PTPRD: variants seen among roughly 807,000 people sequenced by gnomAD.
PTPRD encodes the protein receptor-type tyrosine-protein phosphatase delta.
In PTPRD, 34 loss-of-function variants were observed where a neutral mutation model predicts 214.5. The ratio of observed to expected loss-of-function variants is 0.16; its 90% CI spans 0.12 to 0.21. The LOEUF (loss-of-function observed/expected upper bound fraction) is 0.21. Ranked by LOEUF, PTPRD falls within the 10% of genes least tolerant of loss-of-function variation. The pLI is 1.00. For synonymous variants in PTPRD, 1,128 were observed against 845.7 expected, an observed-to-expected ratio of 1.33 and a Z score of -5.79; for missense variants, 2,545 against 2,398.7, an observed-to-expected ratio of 1.06 and a Z score of -1.27.
chr9:8,834,084 T>A (rs1601357151), intron 11 of PTPRD, among the ~76,000 whole-genome samples: 1 of 152,058 alleles, frequency 6.6e-6, no homozygotes, highest in South Asian at 2.1e-4. Flanking sequence ...CCAGAAGGAA[T>A]CCTGGTAGAA....
chr9:8,776,388 G>C (rs893211267), intron 11 of PTPRD, among the ~76,000 whole-genome samples: 3 of 152,110 alleles, frequency 2.0e-5, no homozygotes, highest in Admixed American at 2.0e-4. Context: ...CTGCAGTATT[G>C]ATCTTCCAGG....
intron 9 of PTPRD, among the ~76,000 whole-genome samples, chr9:9,275,127 A>G (rs10977631): frequency 7.2e-5 from 4 of 55,220 alleles, no homozygotes; most frequent in Admixed American, 3.3e-4. Context: ...TATTATATAT[A>G]TTATATATAA....
At chr9:10,567,308 A>T (rs913459167) in intron 2 of PTPRD, among the ~76,000 whole-genome samples, 9 of 152,168 alleles carry the variant, frequency 5.9e-5, no homozygotes, top group Non-Finnish European at 1.2e-4. Flanking sequence ...TCAAGGAAAA[A>T]ATCTATCACA....
intron 5 of PTPRD, among the ~76,000 whole-genome samples, chr9:9,846,871 G>C (rs925562947): frequency 1.3e-5 from 2 of 152,036 alleles, no homozygotes; most frequent in African/African-American, 4.8e-5. Context: ...AAGCCCACAG[G>C]AGAATTAAAG....
intron 11 of PTPRD, among the ~76,000 whole-genome samples, chr9:8,786,068 T>A (rs2095947317): frequency 6.6e-6 from 1 of 151,796 alleles, no homozygotes; most frequent in Admixed American, 6.6e-5. Flanking sequence ...TGTGTGTGTG[T>A]GTACCTCATA....
At chr9:9,082,792 C>T (rs867595328) in intron 10 of PTPRD, among the ~76,000 whole-genome samples, 1 of 151,998 alleles carries the variant, frequency 6.6e-6, no homozygotes, top group East Asian at 1.9e-4. Flanking sequence ...GAGTGAACTC[C>T]CATTCATAAT....
chr9:9,513,156 G>C (rs1018071004), intron 8 of PTPRD, among the ~76,000 whole-genome samples: 2 of 151,840 alleles, frequency 1.3e-5, no homozygotes, highest in African/African-American at 2.4e-5. Context: ...AACAGTATCA[G>C]TAAATGGCCA....
intron 6 of PTPRD, among the ~76,000 whole-genome samples, chr9:9,754,427 C>A (rs189171891): frequency 6.6e-6 from 1 of 152,108 alleles, no homozygotes; most frequent in Admixed American, 6.6e-5. Context: ...GTCACTGACT[C>A]GGTGACCCTC....
chr9:9,689,931 G>A (rs1303384346), intron 7 of PTPRD, among the ~76,000 whole-genome samples: 1 of 151,848 alleles, frequency 6.6e-6, no homozygotes, highest in Non-Finnish European at 1.5e-5. Flanking sequence ...ACTGTGAATA[G>A]TGCTGCAATA....
intron 2 of PTPRD, among the ~76,000 whole-genome samples, chr9:10,381,400 CT>C (rs2097822457): frequency 6.6e-6 from 1 of 151,980 alleles, no homozygotes; most frequent in Non-Finnish European, 1.5e-5. Flanking sequence ...TTGCAGAAGC[CT>C]TCAGCGGAGC....
intron 32 of PTPRD, 21 bp from the exon 33 acceptor site, chr9:8,460,592 T>C (rs939993074): frequency 6.3e-7 from 1 of 1,599,662 alleles, no homozygotes. Context: ...GCAGAGTCTA[T>C]TTCAGTTATA....
At chr9:9,090,871 T>C in intron 10 of PTPRD, 1 of 941,796 alleles carries the variant, frequency 1.1e-6, no homozygotes, top group Non-Finnish European at 1.7e-6. Flanking sequence ...TTTCTTTAAA[T>C]AGCTGTCTCC....
intron 11 of PTPRD, among the ~76,000 whole-genome samples, chr9:8,822,684 G>C (rs749921770): frequency 6.6e-6 from 1 of 152,034 alleles, no homozygotes; most frequent in Non-Finnish European, 1.5e-5. Flanking sequence ...CCTTCGGTTG[G>C]GGCTATTATT....
Position 8,460,523 on chromosome 9 carries a change from G to C in PTPRD, c.3763C>G (p.Leu1255Val), listed in dbSNP as rs2134154885. 3 of 1,613,518 alleles carry C rather than the reference G, an allele frequency of 1.9e-6. No individual in the cohort carries two copies. Among genetic ancestry groups the C allele is most frequent in the Non-Finnish European group, 2.5e-6 (3 of 1,179,624 alleles). Residue 1255 changes from leucine to valine, a missense_variant, in exon 33 of 46, where the codon CTG (leucine) becomes GTG (valine). By Grantham distance (32) the Leu-to-Val change is conservative. Transcript: ENST00000381196. ...TCATCCGTGATTGGCTGCGGATCCAGATCCATTGACACCACGGGGTCGGAG... is the reference window on the plus strand; with the variant it reads ...TCATCCGTGATTGGCTGCGGATCCACATCCATTGACACCACGGGGTCGGAG... The part of the protein sequence containing the change: ...PYSDPVVSMD[L>V]DPQPITDEEE...
intron 7 of PTPRD, among the ~76,000 whole-genome samples, chr9:9,696,313 G>A (rs1258132336): frequency 2.0e-5 from 3 of 152,090 alleles, no homozygotes; most frequent in African/African-American, 7.2e-5. Flanking sequence ...TATTAGTTAG[G>A]CCCATTTGGT....
At chr9:9,494,461 C>T (rs955136956) in intron 8 of PTPRD, among the ~76,000 whole-genome samples, 7 of 152,176 alleles carry the variant, frequency 4.6e-5, no homozygotes, top group Non-Finnish European at 1.0e-4. Flanking sequence ...CGAGTAACCA[C>T]CAAGCTGATC....
intron 11 of PTPRD, among the ~76,000 whole-genome samples, chr9:8,843,003 C>A (rs995631656): frequency 4.6e-5 from 7 of 152,182 alleles, no homozygotes; most frequent in African/African-American, 1.7e-4. Context: ...CCCATTCACT[C>A]TCACAGCATC....
At chr9:9,376,711 G>A (rs1272156056) in intron 9 of PTPRD, among the ~76,000 whole-genome samples, 2 of 152,078 alleles carry the variant, frequency 1.3e-5, no homozygotes, top group Non-Finnish European at 2.9e-5. Flanking sequence ...CTTTTAATAG[G>A]ACTGTAAGAC....
intron 5 of PTPRD, among the ~76,000 whole-genome samples, chr9:9,794,538 T>C (rs1183884032): frequency 1.3e-5 from 2 of 151,934 alleles, no homozygotes. Context: ...AAGTGAGGGA[T>C]ACTGAACGAT....
Sources: allele counts gnomAD v4.1 joint callset (sites outside exome capture counted in the v4.1 genomes callset), GRCh38; gene constraint gnomAD v4.1.1; transcripts MANE v1.5; gene names NCBI Gene and HGNC (gene_info 2026-07-23, HGNC 2026-07-21).